The following KLHL7 variants were observed in gnomAD, a reference collection of about 807,000 sequenced individuals.
KLHL7 encodes the protein kelch-like protein 7.
KLHL7 carries 44 observed loss-of-function variants against 67.4 expected under a neutral mutation model. That is an observed-to-expected ratio of 0.65 (90% CI 0.51 to 0.84). KLHL7 has a LOEUF of 0.84. Among genes scored for constraint, KLHL7 ranks in the 40% least tolerant of loss-of-function variants. The probability of loss-of-function intolerance (pLI) is 0.00; values close to 1 mark genes in which losing one functional copy is unlikely to be tolerated. For missense variants in KLHL7, 362 were observed against 718.1 expected (o/e 0.50, Z 5.67); for synonymous variants, 252 against 243.3 (o/e 1.04, Z -0.33).
intron 1 of KLHL7, among the ~76,000 whole-genome samples, chr7:23,122,334 A>T (rs1562557286): frequency 6.6e-6 from 1 of 151,574 alleles, no homozygotes; most frequent in Non-Finnish European, 1.5e-5. Flanking sequence ...TATCATCTTT[A>T]TTCTTCACTC....
intron 9 of KLHL7, 39 bp from the exon 10 acceptor site, chr7:23,172,909 T>C: frequency 7.0e-7 from 1 of 1,425,034 alleles, no homozygotes; most frequent in Non-Finnish European, 9.9e-7. Flanking sequence ...TTCTTTTACT[T>C]CCTGTAAACA....
In KLHL7 at chr7:23,125,028, T is replaced by G. The variant is rs763618403; in HGVS notation, c.318-20T>G. The G allele has an allele frequency of 6.2e-7, 1 of 1,603,548 alleles. No individual in the cohort carries two copies. Among genetic ancestry groups the G allele is most frequent in the South Asian group, 1.1e-5 (1 of 90,840 alleles). ...ATAAAAAATCATGGGTAACTAATAT[T>G]CCCTCTAACTTATTTGCAGAATTTC... On this transcript the variant is annotated intron_variant, in intron 3 of 10. Transcript: ENST00000339077.
chr7:23,140,680 A>T, intron 4 of KLHL7, 89 bp from the exon 5 acceptor site: 7 of 1,062,504 alleles, frequency 6.6e-6, no homozygotes, highest in Non-Finnish European at 1.0e-5. Context: ...TTACTCAACT[A>T]ATTTTCCTGA....
intron 1 of KLHL7, among the ~76,000 whole-genome samples, chr7:23,115,736 G>C (rs1436086378): frequency 6.6e-6 from 1 of 151,868 alleles, no homozygotes; most frequent in Admixed American, 6.6e-5. Flanking sequence ...GTAGAGACGG[G>C]GTTTTACCAT....
intron 4 of KLHL7, among the ~76,000 whole-genome samples, chr7:23,132,564 T>C (rs1023584208): frequency 6.6e-6 from 1 of 152,196 alleles, no homozygotes; most frequent in Non-Finnish European, 1.5e-5. Context: ...AGATGAGTAG[T>C]TTGCAGATAT....
chr7:23,171,376 T>C (rs1467710213), intron 9 of KLHL7, among the ~76,000 whole-genome samples: 1 of 152,216 alleles, frequency 6.6e-6, no homozygotes, highest in Admixed American at 6.5e-5. Context: ...AAGTGGTATG[T>C]AAATGGAATT....
chr7:23,130,424 A>G (rs1296717271), intron 4 of KLHL7, among the ~76,000 whole-genome samples: 1 of 152,206 alleles, frequency 6.6e-6, no homozygotes, highest in Non-Finnish European at 1.5e-5. Flanking sequence ...TAAGCTAGCC[A>G]TATATGCTAT....
chr7:23,135,690 A>G (rs1783952021), intron 4 of KLHL7, among the ~76,000 whole-genome samples: 1 of 152,206 alleles, frequency 6.6e-6, no homozygotes, highest in Admixed American at 6.5e-5. Flanking sequence ...TTGGTCCTTC[A>G]CAGGGCCTAC....
intron 9 of KLHL7, among the ~76,000 whole-genome samples, chr7:23,168,423 G>A (rs760189588): frequency 1.3e-5 from 2 of 152,150 alleles, no homozygotes; most frequent in Non-Finnish European, 2.9e-5. Flanking sequence ...ATTGGCTCAT[G>A]GCATTAATAA....
intron 9 of KLHL7, chr7:23,172,144 C>A: frequency 2.2e-6 from 1 of 456,444 alleles, no homozygotes; most frequent in South Asian, 1.5e-5. Context: ...AAAGCACAAG[C>A]CTGTGTGCCA....
chr7:23,106,327 T>G, intron 1 of KLHL7, 181 bp downstream of exon 1: 1 of 1,459,420 alleles, frequency 6.9e-7, no homozygotes, highest in Non-Finnish European at 9.0e-7. Flanking sequence ...AAAACAATTC[T>G]CGAGCAAAAG....
chr7:23,173,944 G>C, intron 10 of KLHL7, 71 bp from the exon 11 acceptor site: 2 of 1,457,920 alleles, frequency 1.4e-6, no homozygotes, highest in Non-Finnish European at 9.6e-7. Context: ...AATACAAAAA[G>C]TTATTACTTT....
At chr7:23,106,333 A>G (rs11772019) in intron 1 of KLHL7, 187 bp downstream of exon 1, 182,127 of 1,446,758 alleles carry the variant, frequency 0.13, 12,944 homozygotes, top group Non-Finnish European at 0.14. Context: ...ATTCTCGAGC[A>G]AAAGTGCTTC....
At chr7:23,112,111 A>T (rs1782900581) in intron 1 of KLHL7, among the ~76,000 whole-genome samples, 1 of 152,232 alleles carries the variant, frequency 6.6e-6, no homozygotes, top group Non-Finnish European at 1.5e-5. Context: ...ATACGACCTG[A>T]TAACAAGTAA....
At chr7:23,112,613 A>C (rs1782921333) in intron 1 of KLHL7, among the ~76,000 whole-genome samples, 1 of 152,234 alleles carries the variant, frequency 6.6e-6, no homozygotes, top group African/African-American at 2.4e-5. Context: ...AATGGTCTAA[A>C]GCACTGTATT....
At chr7:23,170,038 T>C (rs889127499) in intron 9 of KLHL7, among the ~76,000 whole-genome samples, 2 of 152,124 alleles carry the variant, frequency 1.3e-5, no homozygotes, top group African/African-American at 4.8e-5. Context: ...GGTGAAACTC[T>C]GTCTCGTCTA....
chr7:23,121,768 C>T (rs145506534), intron 1 of KLHL7, among the ~76,000 whole-genome samples: 22,044 of 150,812 alleles, frequency 0.15, 1,915 homozygotes, highest in Non-Finnish European at 0.2. Flanking sequence ...CTGCAAGCTC[C>T]GCCTCCTGGG....
rs746802606 is a variant in KLHL7 at position 23,174,274 on chromosome 7, A to G, written c.1737A>G (p.Ala579=). Residue 579 remains alanine (A), a synonymous_variant, in exon 11 of 11, where the codon GCA becomes GCG. Transcript: ENST00000339077. The part of the protein sequence containing the change: ...CLICVVDTCG[A]NEETLET ...TTTGTGTTGTCGATACTTGTGGAGCAAATGAAGAGACCCTTGAAACATGAA... is the reference window on the plus strand; with the variant it reads ...TTTGTGTTGTCGATACTTGTGGAGCGAATGAAGAGACCCTTGAAACATGAA... 2.5e-6 allele frequency: 4 copies of G among 1,614,176 alleles called. No individual in the cohort carries two copies. The South Asian group carries it at 4.4e-5, about 18-fold the overall frequency.
chr7:23,128,824 A>G (rs957143401), intron 4 of KLHL7, among the ~76,000 whole-genome samples: 3 of 152,172 alleles, frequency 2.0e-5, no homozygotes, highest in Non-Finnish European at 4.4e-5. Flanking sequence ...AGTGTTTCAT[A>G]TAAATTGAAT....
Sources: gnomAD v4.1 joint callset for allele counts (sites outside exome capture counted in the v4.1 genomes callset) on GRCh38, gnomAD v4.1.1 for gene constraint, MANE v1.5 for transcripts, NCBI Gene and HGNC (gene_info 2026-07-23, HGNC 2026-07-21) for gene names.